Variants in KIF26B observed in about 807,000 individuals in gnomAD.
KIF26B encodes kinesin family member 26B.
KIF26B carries 63 observed loss-of-function variants against 151.2 expected under a neutral mutation model. That is an observed-to-expected ratio of 0.42 (90% CI 0.34 to 0.51). KIF26B has a LOEUF of 0.51. KIF26B is among the 20% of genes least tolerant of loss of function. The pLI, the probability that KIF26B is intolerant of heterozygous loss-of-function variation, is 0.07. For synonymous variants in KIF26B, 1,357 were observed against 1,262.1 expected (o/e 1.08, Z -1.59); for missense variants, 2,813 against 2,913.6 (o/e 0.97, Z 0.79).
At chr1:245,444,517 T>G (rs1659204754) in intron 4 of KIF26B, among the ~76,000 whole-genome samples, 1 of 152,260 alleles carries the variant, frequency 6.6e-6, no homozygotes, top group South Asian at 2.1e-4. Context: ...CGTGGTATTT[T>G]CAAGCAACAC....
intron 2 of KIF26B, among the ~76,000 whole-genome samples, chr1:245,187,844 G>A (rs1669025966): frequency 6.6e-6 from 1 of 152,170 alleles, no homozygotes; most frequent in African/African-American, 2.4e-5. Flanking sequence ...TGAAGAACAG[G>A]CAAAGGATGT....
At chr1:245,230,860 A>C (rs115950791) in intron 2 of KIF26B, among the ~76,000 whole-genome samples, 2,044 of 152,286 alleles carry the variant, frequency 0.013, 21 homozygotes, top group African/African-American at 0.024. Flanking sequence ...AACTAAATAT[A>C]ATTGCACAAG....
chr1:245,522,010 C>T (rs1661128750), intron 4 of KIF26B, among the ~76,000 whole-genome samples: 2 of 151,708 alleles, frequency 1.3e-5, no homozygotes. Context: ...GCTGGGACTA[C>T]AGGCACCCGC....
chr1:245,376,400 A>T (rs956117531), intron 3 of KIF26B, among the ~76,000 whole-genome samples: 4 of 151,924 alleles, frequency 2.6e-5, no homozygotes, highest in Admixed American at 2.6e-4. Flanking sequence ...TTTTGGCTTC[A>T]CACTAGAATT....
At chr1:245,437,410 T>C (rs1257388062) in intron 4 of KIF26B, among the ~76,000 whole-genome samples, 1 of 152,248 alleles carries the variant, frequency 6.6e-6, no homozygotes, top group Non-Finnish European at 1.5e-5. Flanking sequence ...AGTTTTAGCT[T>C]TCACACTAAA....
At chr1:245,697,825 A>G (rs1205690832) in intron 12 of KIF26B, among the ~76,000 whole-genome samples, 1 of 152,132 alleles carries the variant, frequency 6.6e-6, no homozygotes, top group Non-Finnish European at 1.5e-5. Context: ...GGATCACTTG[A>G]GGCCAGGAGT....
In KIF26B at chr1:245,227,382, C is replaced by T. The variant is rs1013969475; in HGVS notation, c.465+70699C>T. 1.3e-5 allele frequency among the ~76,000 whole-genome samples: 2 copies of T among 152,224 alleles called. No homozygotes were observed. Among genetic ancestry groups the T allele is most frequent in the African/African-American group, 4.8e-5 (2 of 41,448 alleles). ...AGGTTGATGGGGTAAGCCAGTGTAA[C>T]ATGGAAACCCACTGGCACCTCTGCA... On this transcript the variant is annotated intron_variant, in intron 2 of 14. Coordinates refer to ENST00000407071, the MANE Select transcript of KIF26B (RefSeq NM_018012.4). The surrounding 1 kb of genome is among the most constrained non-coding windows in gnomAD (Gnocchi z 4.1).
chr1:245,243,834 G>A (rs1179687194), intron 2 of KIF26B, among the ~76,000 whole-genome samples: 2 of 151,850 alleles, frequency 1.3e-5, no homozygotes, highest in Non-Finnish European at 2.9e-5. Context: ...CTGGGCAACA[G>A]AGTGAGACTC....
intron 2 of KIF26B, among the ~76,000 whole-genome samples, chr1:245,356,472 G>T (rs59778774): frequency 0.033 from 5,023 of 152,136 alleles, 247 homozygotes; most frequent in African/African-American, 0.11. Context: ...CAGGAGAATT[G>T]CTTGAACCTA....
intron 4 of KIF26B, among the ~76,000 whole-genome samples, chr1:245,525,683 C>T (rs748726102): frequency 6.6e-5 from 10 of 152,294 alleles, no homozygotes; most frequent in South Asian, 4.1e-4. Flanking sequence ...TATTCACAGA[C>T]GCAGCTGGAT....
At position 245,239,262 on chromosome 1, in the gene KIF26B, T is replaced by C. The variant is rs1309148596; in HGVS notation, c.465+82579T>C. 6.6e-6 allele frequency among the ~76,000 whole-genome samples: 1 copy of C among 151,920 alleles called. No individual in the cohort carries two copies. The highest frequency in any genetic ancestry group is 1.5e-5 in the Non-Finnish European group (1 of 68,016). ...TATCAGGCTGCAGTCCCGCAGAAAA[T>C]GATGATGTTGCACAAGGCGAAGAAG... On this transcript the variant is annotated intron_variant, in intron 2 of 14. Coordinates refer to ENST00000407071, the MANE Select transcript of KIF26B (RefSeq NM_018012.4). This position sits in a 1 kb window ranked among gnomAD's most constrained non-coding sequence, Gnocchi z 4.3.
chr1:245,242,090 A>G (rs1472957601), intron 2 of KIF26B, among the ~76,000 whole-genome samples: 1 of 152,208 alleles, frequency 6.6e-6, no homozygotes, highest in Non-Finnish European at 1.5e-5. Context: ...AGCTCACGTT[A>G]TTTTTAAATA....
At chr1:245,378,474 T>C (rs12091354) in intron 3 of KIF26B, among the ~76,000 whole-genome samples, 10,903 of 152,126 alleles carry the variant, frequency 0.072, 655 homozygotes, top group East Asian at 0.34. Context: ...GGAGAGAAGA[T>C]TGCCTAGATG....
chr1:245,539,828 T>C (rs1188054035), intron 4 of KIF26B, among the ~76,000 whole-genome samples: 1 of 152,172 alleles, frequency 6.6e-6, no homozygotes, highest in East Asian at 1.9e-4. Context: ...AATTTTTGTA[T>C]TTTTAGTAGA....
intron 10 of KIF26B, among the ~76,000 whole-genome samples, chr1:245,649,250 A>C (rs1457891145): frequency 1.3e-5 from 2 of 152,190 alleles, no homozygotes; most frequent in African/African-American, 2.4e-5. Flanking sequence ...TCCTCTTTTG[A>C]GGTACAGGAA....
At chr1:245,665,012 A>C (rs1159982557) in intron 10 of KIF26B, among the ~76,000 whole-genome samples, 3 of 152,228 alleles carry the variant, frequency 2.0e-5, no homozygotes, top group African/African-American at 7.2e-5. Flanking sequence ...TACAACCACC[A>C]ATTACAAGTT....
intron 5 of KIF26B, among the ~76,000 whole-genome samples, chr1:245,556,400 T>TCCTA (rs1662040954): frequency 6.6e-6 from 1 of 151,244 alleles, no homozygotes. Context: ...CCTTCTTTCT[T>TCCTA]CTTTCTTCTT....
intron 4 of KIF26B, among the ~76,000 whole-genome samples, chr1:245,492,813 C>T (rs369993037): frequency 3.3e-5 from 5 of 152,072 alleles, no homozygotes; most frequent in African/African-American, 9.7e-5. Flanking sequence ...TGGAGTCTTG[C>T]TCTGTCGCCC....
intron 4 of KIF26B, among the ~76,000 whole-genome samples, chr1:245,494,305 T>TCAAA (rs3068403): frequency 0.87 from 130,947 of 151,264 alleles, 57,712 homozygotes; most frequent in East Asian, 0.97. Context: ...AAACTCTGTC[T>TCAAA]CAAACAAACA....
Sources: allele counts gnomAD v4.1 joint callset (sites outside exome capture counted in the v4.1 genomes callset), GRCh38; gene constraint gnomAD v4.1.1; non-coding constraint Gnocchi (gnomAD v3.1); transcripts MANE v1.5; gene names NCBI Gene and HGNC (gene_info 2026-07-23, HGNC 2026-07-21).